The following NKAIN3 variants were observed in gnomAD, a reference collection of about 807,000 sequenced individuals.
The protein encoded by NKAIN3 is sodium/potassium-transporting ATPase subunit beta-1-interacting protein 3.
NKAIN3 carries 25 observed loss-of-function variants against 30.2 expected under a neutral mutation model. The ratio of observed to expected loss-of-function variants is 0.83; its 90% CI spans 0.60 to 1.16. The LOEUF (loss-of-function observed/expected upper bound fraction) is 1.16, where lower values mean the gene tolerates loss of function less well. Among genes scored for constraint, NKAIN3 ranks in the 50% most tolerant of loss-of-function variants. NKAIN3 has a pLI of 0.00. For synonymous variants in NKAIN3, 91 were observed against 89.6 expected, an observed-to-expected ratio of 1.02 and a Z score of -0.09; for missense variants, 225 against 254.1, an observed-to-expected ratio of 0.89 and a Z score of 0.78.
intron 3 of NKAIN3, among the ~76,000 whole-genome samples, chr8:62,708,595 C>A (rs1814613287): frequency 6.6e-6 from 1 of 152,074 alleles, no homozygotes; most frequent in Non-Finnish European, 1.5e-5. Flanking sequence ...ATGCTGAATT[C>A]TTTTATCAGT....
At position 62,710,435 on chromosome 8, in the gene NKAIN3, A is replaced by G. The variant is rs191998845; in HGVS notation, c.274-36497A>G. Among the ~76,000 whole-genome samples the G allele has an allele frequency of 4.9e-4, 75 of 152,056 alleles. No homozygotes were observed. In the East Asian group the frequency reaches 0.012, roughly 25 times the overall value. Reference sequence around the variant, plus strand: ...GTGCATATATGTTTAGGGTTTTGATATTTTCCTGTTGGACAAGGCCTTTCA... The same window carrying G: ...GTGCATATATGTTTAGGGTTTTGATGTTTTCCTGTTGGACAAGGCCTTTCA... On this transcript the variant is annotated intron_variant, in intron 3 of 6. Coordinates refer to ENST00000623646, the MANE Select transcript of NKAIN3 (RefSeq NM_001304533.3).
At chr8:62,824,624 T>A (rs899678) in intron 4 of NKAIN3, among the ~76,000 whole-genome samples, 82,320 of 151,828 alleles carry the variant, frequency 0.54, 24,086 homozygotes, top group Non-Finnish European at 0.67. Flanking sequence ...ATTTAGTCAG[T>A]CTTCATGGGA....
rs1823933571 is a variant in NKAIN3, at chr8:62,976,037, G to A, written c.*10630G>A. On this transcript the variant is annotated 3_prime_UTR_variant, in exon 7 of 7. Transcript: ENST00000623646. ...CTGAGTTCTAACTTGATTGCACTGT[G>A]GTCTGAGAGACTGTTTGTTATGGTT... Among the ~76,000 whole-genome samples, 3 of 149,722 alleles carry A rather than the reference G, an allele frequency of 2.0e-5. 1 individual carries two copies. Among genetic ancestry groups the A allele is most frequent in the South Asian group, 2.2e-4 (1 of 4,596 alleles).
chr8:62,379,940 C>T (rs938575819), intron 1 of NKAIN3, among the ~76,000 whole-genome samples: 8 of 152,248 alleles, frequency 5.3e-5, no homozygotes, highest in African/African-American at 1.7e-4. Context: ...AGGCAGGGCT[C>T]AGCAGGTGAC....
In NKAIN3 at chr8:62,510,503, A is replaced by G. The variant is rs149583533; in HGVS notation, c.55-69036A>G. Reference sequence around the variant, plus strand: ...GAAGCACATGTCCATCTCTAGGTCAATCGCTGGGAAGGTGATGGGTTTGTT... The same window carrying G: ...GAAGCACATGTCCATCTCTAGGTCAGTCGCTGGGAAGGTGATGGGTTTGTT... On this transcript the variant is annotated intron_variant, in intron 1 of 6. Coordinates refer to ENST00000623646, the MANE Select transcript of NKAIN3 (RefSeq NM_001304533.3). Among the ~76,000 whole-genome samples the G allele has an allele frequency of 2.6e-4, 39 of 152,262 alleles. No homozygotes were observed. The South Asian group carries it at 7.0e-3, about 28-fold the overall frequency.
chr8:62,882,814 C>T (rs776665411), intron 4 of NKAIN3, among the ~76,000 whole-genome samples: 8 of 152,096 alleles, frequency 5.3e-5, no homozygotes, highest in Admixed American at 1.3e-4. Context: ...ACTATCTTTG[C>T]TCCATTATGC....
intron 1 of NKAIN3, among the ~76,000 whole-genome samples, chr8:62,288,155 A>G (rs187520198): frequency 3.3e-4 from 50 of 152,242 alleles, no homozygotes; most frequent in African/African-American, 1.1e-3. Context: ...CTTTGGGTCT[A>G]TATACATGTC....
Position 62,807,767 on chromosome 8 carries a change from G to GAT in NKAIN3, c.471+60650_471+60651dup, listed in dbSNP as rs547278900. ...GGGGTTTCACCATGGTGGCCAGGAA[G>GAT]ATATATATATATAAAATACATACAT... On this transcript the variant is annotated intron_variant, in intron 4 of 6. Transcript: ENST00000623646. Among the ~76,000 whole-genome samples, 86 of 147,502 alleles carry GAT rather than the reference G, an allele frequency of 5.8e-4. 1 individual carries two copies. The South Asian group carries it at 9.9e-3, about 17-fold the overall frequency.
intron 4 of NKAIN3, among the ~76,000 whole-genome samples, chr8:62,842,143 G>A (rs994378365): frequency 1.1e-4 from 17 of 151,760 alleles, no homozygotes; most frequent in African/African-American, 3.4e-4. Context: ...CTTTTAAATC[G>A]GTTTATTTGT....
chr8:62,439,095 C>T (rs1324717639), intron 1 of NKAIN3, among the ~76,000 whole-genome samples: 4 of 152,092 alleles, frequency 2.6e-5, no homozygotes, highest in Non-Finnish European at 5.9e-5. Flanking sequence ...AGGCTTTATC[C>T]AAGGATCACC....
intron 4 of NKAIN3, among the ~76,000 whole-genome samples, chr8:62,828,693 A>G (rs1819102969): frequency 6.6e-6 from 1 of 152,164 alleles, no homozygotes; most frequent in African/African-American, 2.4e-5. Context: ...AAATGTTACT[A>G]TGTCTATTTG....
Position 62,311,393 on chromosome 8 carries a change from T to C in NKAIN3, c.54+62266T>C, listed in dbSNP as rs140660838. Among the ~76,000 whole-genome samples, 179 of 150,498 alleles carry C rather than the reference T, an allele frequency of 1.2e-3. 15 individuals carry two copies. The highest frequency in any genetic ancestry group is 4.2e-3 in the African/African-American group (166 of 39,856). On this transcript the variant is annotated intron_variant, in intron 1 of 6. Coordinates refer to ENST00000623646, the MANE Select transcript of NKAIN3 (RefSeq NM_001304533.3). ...TAGTCCTCACAAAAGGCAGGCATTA[T>C]GGGACCTATTTATATGGTCCAGAAA...
At chr8:62,713,716 A>T (rs1372368523) in intron 3 of NKAIN3, among the ~76,000 whole-genome samples, 3 of 152,182 alleles carry the variant, frequency 2.0e-5, no homozygotes, top group Non-Finnish European at 4.4e-5. Flanking sequence ...TGAAGTAAAC[A>T]TTTCTATGGT....
chr8:62,926,538 G>A (rs1007233604), intron 5 of NKAIN3, among the ~76,000 whole-genome samples: 5 of 152,192 alleles, frequency 3.3e-5, no homozygotes, highest in South Asian at 2.1e-4. Context: ...TTTCTCCAAG[G>A]CCCCTAAAAG....
intron 5 of NKAIN3, among the ~76,000 whole-genome samples, chr8:62,924,286 C>T (rs1475224219): frequency 1.3e-5 from 2 of 152,184 alleles, no homozygotes; most frequent in African/African-American, 4.8e-5. Flanking sequence ...CCCACCCTTT[C>T]CGGGTTAGTT....
At chr8:62,438,548 G>C (rs1563399007) in intron 1 of NKAIN3, among the ~76,000 whole-genome samples, 1 of 152,050 alleles carries the variant, frequency 6.6e-6, no homozygotes, top group South Asian at 2.1e-4. Flanking sequence ...AGTAGGGCCG[G>C]TGTCATGAAT....
chr8:62,829,572 G>T (rs1329167191), intron 4 of NKAIN3, among the ~76,000 whole-genome samples: 1 of 152,060 alleles, frequency 6.6e-6, no homozygotes, highest in Non-Finnish European at 1.5e-5. Context: ...GAGATAATAA[G>T]ATCAGGTATA....
chr8:62,349,705 C>T lies in NKAIN3; in HGVS notation c.54+100578C>T, dbSNP rs761235524. Among the ~76,000 whole-genome samples the T allele has an allele frequency of 5.9e-5, 9 of 152,044 alleles. No individual in the cohort carries two copies. In the South Asian group the frequency reaches 1.0e-3, roughly 17 times the overall value. ...GCTCAGTAGCTAGGCTATTAAAGTCCGTGAAATCCTTGTTAGGATGAGTTG... is the reference window on the plus strand; with the variant it reads ...GCTCAGTAGCTAGGCTATTAAAGTCTGTGAAATCCTTGTTAGGATGAGTTG... On this transcript the variant is annotated intron_variant, in intron 1 of 6. Coordinates refer to ENST00000623646, the MANE Select transcript of NKAIN3 (RefSeq NM_001304533.3).
intron 1 of NKAIN3, among the ~76,000 whole-genome samples, chr8:62,537,146 C>T (rs765047483): frequency 3.3e-5 from 5 of 152,106 alleles, no homozygotes; most frequent in Non-Finnish European, 5.9e-5. Flanking sequence ...GGACAAAGTA[C>T]TAACAATATC....
Sources: gnomAD v4.1 joint callset for allele counts (sites outside exome capture counted in the v4.1 genomes callset) on GRCh38, gnomAD v4.1.1 for gene constraint, MANE v1.5 for transcripts, NCBI Gene and HGNC (gene_info 2026-07-23, HGNC 2026-07-21) for gene names.